SLC24A2: variants seen among roughly 807,000 people sequenced by gnomAD.
SLC24A2 encodes the protein sodium/potassium/calcium exchanger 2.
In SLC24A2, 36 loss-of-function variants were observed where a neutral mutation model predicts 62.0. That is an observed-to-expected ratio of 0.58 (90% CI 0.44 to 0.77). The LOEUF (loss-of-function observed/expected upper bound fraction) is 0.77. SLC24A2 is among the 30% of genes least tolerant of loss of function. SLC24A2 has a pLI of 0.00. For missense variants in SLC24A2, 846 were observed against 817.9 expected (o/e 1.03, Z -0.42); for synonymous variants, 358 against 294.0 (o/e 1.22, Z -2.23).
chr9:20,196,708 G>C, the SLC24A2 span, among the ~76,000 whole-genome samples: 4 of 152,140 alleles, frequency 2.6e-5, no homozygotes, highest in African/African-American at 9.7e-5. Flanking sequence ...GCCTGCAAAG[G>C]ATTTGCATTT....
chr9:19,512,886 G>C lies in SLC24A2; in HGVS notation c.*3267C>G, dbSNP rs1005561701. On this transcript the variant is annotated 3_prime_UTR_variant, in exon 11 of 11. Coordinates refer to ENST00000341998, the MANE Select transcript of SLC24A2 (RefSeq NM_020344.4). ...GCCTCTATATCAGCATTAGGGATAT[G>C]GCTGACCGATTTCCTTAAGGCTATA... The C allele has an allele frequency of 2.6e-5, 4 of 151,996 alleles. No individual in the cohort carries two copies. The highest frequency in any genetic ancestry group is 4.4e-5 in the Non-Finnish European group (3 of 67,996). The allele number at this position is 151,996 out of a possible 1,614,324, so 9.4% of individuals were successfully genotyped here. A position where few individuals can be genotyped will look rare whatever the true frequency, so the allele number is the denominator to read the frequency against.
the SLC24A2 span, among the ~76,000 whole-genome samples, chr9:20,007,318 G>A: frequency 2.0e-5 from 3 of 152,106 alleles, no homozygotes; most frequent in Non-Finnish European, 4.4e-5. Flanking sequence ...GTAATGCTGG[G>A]TTGAAAAGGA....
At chr9:19,541,971 A>T (rs1262643781) in intron 8 of SLC24A2, among the ~76,000 whole-genome samples, 1 of 152,212 alleles carries the variant, frequency 6.6e-6, no homozygotes. Flanking sequence ...CCGATTTTCC[A>T]GGTGCCGTCT....
the SLC24A2 span, among the ~76,000 whole-genome samples, chr9:20,027,401 A>C: frequency 7.2e-5 from 11 of 152,230 alleles, no homozygotes; most frequent in African/African-American, 2.7e-4. Context: ...AATCAATCTT[A>C]GTGTCAATCA....
chr9:20,070,859 A>T, the SLC24A2 span, among the ~76,000 whole-genome samples: 1 of 152,146 alleles, frequency 6.6e-6, no homozygotes, highest in Non-Finnish European at 1.5e-5. Context: ...ATGGCCAGTG[A>T]TATGGTTTGG....
the SLC24A2 span, among the ~76,000 whole-genome samples, chr9:20,061,520 C>A: frequency 6.6e-6 from 1 of 152,170 alleles, no homozygotes; most frequent in African/African-American, 2.4e-5. Flanking sequence ...CTCCTGACCT[C>A]AAATGATCCA....
chr9:19,565,994 C>G (rs1835634407), intron 7 of SLC24A2, among the ~76,000 whole-genome samples: 1 of 151,876 alleles, frequency 6.6e-6, no homozygotes, highest in Admixed American at 6.6e-5. Flanking sequence ...AAATGTTAGA[C>G]CTAAAACCAT....
chr9:19,709,584 G>GA (rs1820650131), intron 2 of SLC24A2, among the ~76,000 whole-genome samples: 1 of 151,916 alleles, frequency 6.6e-6, no homozygotes, highest in African/African-American at 2.4e-5. Context: ...CATAAAAAAT[G>GA]AAGAGTTCAT....
intron 5 of SLC24A2, 50 bp downstream of exon 5, chr9:19,597,179 C>T (rs747430385): frequency 4.2e-6 from 5 of 1,194,818 alleles, no homozygotes; most frequent in Non-Finnish European, 3.8e-6. Context: ...AAGCAACAGA[C>T]ACCATAAATG....
At chr9:20,270,921 A>G in the SLC24A2 span, among the ~76,000 whole-genome samples, 3 of 152,310 alleles carry the variant, frequency 2.0e-5, no homozygotes, top group African/African-American at 7.2e-5. Flanking sequence ...CAGAGGGAAG[A>G]ACTTGCCTTT....
chr9:20,213,727 C>T, the SLC24A2 span, among the ~76,000 whole-genome samples: 1 of 152,120 alleles, frequency 6.6e-6, no homozygotes, highest in African/African-American at 2.4e-5. Context: ...CCACAATTTG[C>T]TCAGGAACTT....
At chr9:19,915,591 A>C in the SLC24A2 span, among the ~76,000 whole-genome samples, 1 of 152,046 alleles carries the variant, frequency 6.6e-6, no homozygotes, top group Non-Finnish European at 1.5e-5. Flanking sequence ...CCTTACCAAC[A>C]GTTATTTTCT....
At chr9:20,247,469 C>G in the SLC24A2 span, among the ~76,000 whole-genome samples, 6 of 152,084 alleles carry the variant, frequency 3.9e-5, no homozygotes, top group African/African-American at 1.4e-4. Flanking sequence ...GGTGAAGCCC[C>G]CATGGATGAG....
the SLC24A2 span, among the ~76,000 whole-genome samples, chr9:20,070,119 T>G: frequency 6.6e-6 from 1 of 152,214 alleles, no homozygotes; most frequent in Admixed American, 6.5e-5. Context: ...TCCAACTCTT[T>G]AATCAATGGC....
At chr9:19,668,678 G>A (rs996265735) in intron 2 of SLC24A2, among the ~76,000 whole-genome samples, 2 of 152,152 alleles carry the variant, frequency 1.3e-5, no homozygotes, top group Non-Finnish European at 1.5e-5. Flanking sequence ...GTTTCTGTCA[G>A]CTTGAAATAA....
At chr9:20,073,928 A>ATG in the SLC24A2 span, among the ~76,000 whole-genome samples, 1 of 147,504 alleles carries the variant, frequency 6.8e-6, no homozygotes, top group Non-Finnish European at 1.5e-5. Context: ...AGATATATAT[A>ATG]TATATATATA....
At chr9:19,894,058 A>G in the SLC24A2 span, among the ~76,000 whole-genome samples, 5 of 152,322 alleles carry the variant, frequency 3.3e-5, no homozygotes, top group East Asian at 7.7e-4. Context: ...AGACTGATAA[A>G]CATAATCTAT....
chr9:19,550,702 T>TTC (rs1554675136), intron 7 of SLC24A2, among the ~76,000 whole-genome samples: 9 of 67,372 alleles, frequency 1.3e-4, no homozygotes, highest in East Asian at 1.3e-3. Context: ...ATATTTCTTT[T>TTC]TCTCTTTTTT....
the SLC24A2 span, among the ~76,000 whole-genome samples, chr9:20,015,473 C>G: frequency 6.6e-6 from 1 of 152,218 alleles, no homozygotes; most frequent in Non-Finnish European, 1.5e-5. Flanking sequence ...GCTTGAGCTG[C>G]TACAGCCTCT....
Sources: gnomAD v4.1 joint callset for allele counts (sites outside exome capture counted in the v4.1 genomes callset) on GRCh38, gnomAD v4.1.1 for gene constraint, MANE v1.5 for transcripts, NCBI Gene and HGNC (gene_info 2026-07-23, HGNC 2026-07-21) for gene names.